CACNA2D4: variants seen among roughly 807,000 people sequenced by gnomAD.
CACNA2D4 encodes the protein calcium voltage-gated channel auxiliary subunit alpha2delta 4, also known as voltage-dependent calcium channel subunit alpha-2/delta-4.
A neutral mutation model predicts 163.8 loss-of-function variants in CACNA2D4; 157 were observed. The observed-to-expected ratio is 0.96, with a 90% CI of 0.84 to 1.09. CACNA2D4 has a LOEUF of 1.09. Ranked by LOEUF, CACNA2D4 falls within the 50% of genes least tolerant of loss-of-function variation. The probability of loss-of-function intolerance (pLI) is 0.00; values close to 1 mark genes in which losing one functional copy is unlikely to be tolerated. For synonymous variants in CACNA2D4, 598 were observed against 586.9 expected (o/e 1.02, Z -0.27); for missense variants, 1,410 against 1,479.9 (o/e 0.95, Z 0.78).
rs762790789 is a variant in CACNA2D4, at chr12:1,885,958, C to A, written c.1068+7G>T. The A allele has an allele frequency of 3.1e-6, 5 of 1,607,356 alleles. No individual in the cohort carries two copies. Among genetic ancestry groups the A allele is most frequent in the Non-Finnish European group, 8.5e-7 (1 of 1,174,730 alleles). ...CTTGGAAGTCTCAGGCCACCGTGGA[C>A]ACTCACCTCTCGATTGTCTCGGTCC... On this transcript the variant is annotated splice_region_variant and intron_variant, in intron 9 of 37. Transcript: ENST00000382722.
rs1243310046 is a variant in CACNA2D4 at position 1,828,348 on chromosome 12, C to A, written c.2551+12391G>T. On this transcript the variant is annotated intron_variant, in intron 26 of 37. Transcript: ENST00000382722. This position sits in a 1 kb window ranked among gnomAD's most constrained non-coding sequence, Gnocchi z 4.2. ...CCTACGCCAGATCTTCCTGGGGTAC[C>A]CGAGGCTATGTTCTGGGAAGCCAGG... 6 of 734,188 alleles carry A rather than the reference C, an allele frequency of 8.2e-6. No individual in the cohort carries two copies. The African/African-American group carries it at 9.2e-5, about 11-fold the overall frequency. The allele number at this position is 734,188 out of a possible 1,614,324, so 45.5% of individuals were successfully genotyped here.
At chr12:1,884,397 C>T (rs1301114017) in intron 11 of CACNA2D4, 76 bp from the exon 12 acceptor site, 1 of 1,213,302 alleles carries the variant, frequency 8.2e-7, no homozygotes, top group Admixed American at 1.9e-5. Context: ...TTATATGAGT[C>T]TTAGATGTTG....
chr12:1,834,196 G>A lies in CACNA2D4; in HGVS notation c.2551+6543C>T, dbSNP rs894510130. On this transcript the variant is annotated intron_variant, in intron 26 of 37. Transcript: ENST00000382722. The surrounding 1 kb of genome is among the most constrained non-coding windows in gnomAD (Gnocchi z 7.6). ...CCTTCTGGGGCTTCCGTTTTGGGGAGCTGGGGATGGGGAGAGGGAGTGCAA... is the reference window on the plus strand; with the variant it reads ...CCTTCTGGGGCTTCCGTTTTGGGGAACTGGGGATGGGGAGAGGGAGTGCAA... 5 of 1,491,984 alleles carry A rather than the reference G, an allele frequency of 3.4e-6. 1 individual carries two copies. In the South Asian group the frequency reaches 4.1e-5, roughly 12 times the overall value. 92.4% of individuals were successfully genotyped at this position (1,491,984 alleles called of 1,614,324 possible).
In CACNA2D4 at chr12:1,878,287, T is replaced by C; in HGVS notation, c.1719+28A>G. 2 of 1,596,590 alleles carry C rather than the reference T, an allele frequency of 1.3e-6. No homozygotes were observed. Among genetic ancestry groups the C allele is most frequent in the East Asian group, 4.5e-5 (2 of 44,280 alleles). On this transcript the variant is annotated intron_variant, in intron 16 of 37. Coordinates refer to ENST00000382722, the MANE Select transcript of CACNA2D4 (RefSeq NM_172364.5). The surrounding 1 kb of genome is among the most constrained non-coding windows in gnomAD (Gnocchi z 4.6). Reference sequence around the variant, plus strand: ...ACCCCCAAATCCCATACAGTAAGGATCCCAAGGCAAAGAAGATCTGTACCT... The same window carrying C: ...ACCCCCAAATCCCATACAGTAAGGACCCCAAGGCAAAGAAGATCTGTACCT...
At chr12:1,884,607 A>G (rs1169764236) in intron 11 of CACNA2D4, among the ~76,000 whole-genome samples, 161 bp downstream of exon 11, 1 of 152,122 alleles carries the variant, frequency 6.6e-6, no homozygotes, top group Non-Finnish European at 1.5e-5. Context: ...TCGGGTAGCC[A>G]TAATTTTGGA....
chr12:1,807,513 A>G (rs577542869), intron 29 of CACNA2D4, among the ~76,000 whole-genome samples: 16 of 152,040 alleles, frequency 1.1e-4, no homozygotes, highest in Non-Finnish European at 1.9e-4. Context: ...AAGTTTTTTT[A>G]AAAACAGCAA....
At chr12:1,907,670 G>A in intron 5 of CACNA2D4, 99 bp from the exon 6 acceptor site, 1 of 1,251,460 alleles carries the variant, frequency 8.0e-7, no homozygotes, top group Middle Eastern at 1.9e-4. Context: ...TGGTGGGCGT[G>A]TCTGGTAAGC....
At chr12:1,827,977 C>T (rs1486344513) in intron 26 of CACNA2D4, 8 of 474,652 alleles carry the variant, frequency 1.7e-5, no homozygotes, top group Non-Finnish European at 2.6e-5. Context: ...CAGGAGAGGG[C>T]ATGAGGAGTG....
chr12:1,878,084 G>A lies in CACNA2D4; in HGVS notation c.1719+231C>T, dbSNP rs549897447. Among the ~76,000 whole-genome samples the A allele has an allele frequency of 2.6e-5, 4 of 152,298 alleles. No individual in the cohort carries two copies. Among genetic ancestry groups the A allele is most frequent in the South Asian group, 4.1e-4 (2 of 4,824 alleles). On this transcript the variant is annotated intron_variant, in intron 16 of 37. Coordinates refer to ENST00000382722, the MANE Select transcript of CACNA2D4 (RefSeq NM_172364.5). This position sits in a 1 kb window ranked among gnomAD's most constrained non-coding sequence, Gnocchi z 4.6. ...GCCTCAAAACTGCACACTTCGTTAC[G>A]TGCTCTCTGGCCCACTCATCAGTCA...
rs1233134061 is a variant in CACNA2D4 at position 1,842,315 on chromosome 12, G to A, written c.2471-1496C>T. On this transcript the variant is annotated intron_variant, in intron 25 of 37. Coordinates refer to ENST00000382722, the MANE Select transcript of CACNA2D4 (RefSeq NM_172364.5). ...CACTGACTGCACAATGCAGCTCCAC[G>A]TGGTCGGGACTTAGCCCACCAGGCC... Among the ~76,000 whole-genome samples the A allele has an allele frequency of 2.6e-5, 4 of 152,336 alleles. No homozygotes were observed. The South Asian group carries it at 6.2e-4, about 24-fold the overall frequency.
intron 18 of CACNA2D4, among the ~76,000 whole-genome samples, chr12:1,870,663 T>C (rs1342442220): frequency 6.6e-6 from 1 of 152,080 alleles, no homozygotes; most frequent in Admixed American, 6.5e-5. Context: ...TGTTATCTGC[T>C]GAAGGGTGAG....
chr12:1,861,694 C>T (rs951874417), intron 18 of CACNA2D4, among the ~76,000 whole-genome samples: 4 of 152,098 alleles, frequency 2.6e-5, no homozygotes, highest in South Asian at 4.1e-4. Context: ...CCACCTGCCT[C>T]GGCCTCCCAA....
In CACNA2D4 at chr12:1,856,029, T is replaced by A. The variant is rs1257704662; in HGVS notation, c.2135A>T (p.Lys712Met). The A allele has an allele frequency of 1.2e-6, 2 of 1,613,720 alleles. No homozygotes were observed. Among genetic ancestry groups the A allele is most frequent in the Non-Finnish European group, 1.7e-6 (2 of 1,179,728 alleles). The change falls in exon 22 of 38, where the codon AAG becomes ATG. Residue 712 changes from lysine to methionine, a missense_variant. Lys to Met is a moderately conservative substitution (Grantham distance 95, BLOSUM62 -1). Transcript: ENST00000382722. ...LEAMIRFLTR[K>M]DPDLECDEEL... ...GCACTCACACTCCAGGTCTGGGTCC[T>A]TCCTGGTGAGGAAGCGGATCATGGC...
intron 2 of CACNA2D4, among the ~76,000 whole-genome samples, chr12:1,914,043 C>G (rs914580918): frequency 6.6e-6 from 1 of 152,188 alleles, no homozygotes; most frequent in Non-Finnish European, 1.5e-5. Context: ...TGTGGGGGCC[C>G]GGGGAGCCGC....
chr12:1,795,223 T>G (rs1863078011), intron 37 of CACNA2D4, 76 bp downstream of exon 37: 2 of 1,362,286 alleles, frequency 1.5e-6, no homozygotes, highest in African/African-American at 2.9e-5. Flanking sequence ...TGCTCCTGTC[T>G]GCAGGGGCAC....
intron 18 of CACNA2D4, among the ~76,000 whole-genome samples, chr12:1,863,752 C>T (rs1050204471): frequency 2.0e-5 from 3 of 152,104 alleles, no homozygotes; most frequent in African/African-American, 7.2e-5. Context: ...AGCATTGTTA[C>T]AGGCAATGCA....
chr12:1,877,472 A>G (rs73032431), intron 16 of CACNA2D4, among the ~76,000 whole-genome samples: 30,815 of 152,124 alleles, frequency 0.2, 5,002 homozygotes, highest in African/African-American at 0.45. Flanking sequence ...ATCTCTCTCT[A>G]TTCAGAACCC....
chr12:1,911,957 C>T (rs552554270), intron 3 of CACNA2D4, among the ~76,000 whole-genome samples: 16 of 152,310 alleles, frequency 1.1e-4, no homozygotes, highest in African/African-American at 3.8e-4. Context: ...TCTTGAGTCC[C>T]CAGGCATCTT....
chr12:1,859,151 C>G (rs1372056159), intron 19 of CACNA2D4, among the ~76,000 whole-genome samples: 1 of 152,130 alleles, frequency 6.6e-6, no homozygotes, highest in Non-Finnish European at 1.5e-5. Context: ...ATTGGTCTGG[C>G]CAGCCTGGGC....
Sources: gnomAD v4.1 joint callset for allele counts (sites outside exome capture counted in the v4.1 genomes callset) on GRCh38, gnomAD v4.1.1 for gene constraint, Gnocchi (gnomAD v3.1) non-coding constraint, MANE v1.5 for transcripts, NCBI Gene and HGNC (gene_info 2026-07-23, HGNC 2026-07-21) for gene names.